Variants in XIRP2 observed in about 807,000 individuals in gnomAD.
XIRP2 encodes the protein xin actin binding repeat containing 2, also known as xin actin-binding repeat-containing protein 2.
Under a neutral mutation model 277.0 loss-of-function variants are expected in XIRP2, and 236 were observed. That is an observed-to-expected ratio of 0.85 (90% confidence interval 0.77 to 0.95). The LOEUF (loss-of-function observed/expected upper bound fraction) is 0.95. Among genes scored for constraint, XIRP2 ranks in the 40% least tolerant of loss-of-function variants. The probability of loss-of-function intolerance (pLI) is 0.00; values close to 1 mark genes in which losing one functional copy is unlikely to be tolerated. For missense variants in XIRP2, 4,640 were observed against 4,157.5 expected (o/e 1.12, Z -3.19); for synonymous variants, 1,490 against 1,416.5 (o/e 1.05, Z -1.17).
chr2:166,917,359 G>A (rs1684916447), intron 2 of XIRP2, among the ~76,000 whole-genome samples: 1 of 152,122 alleles, frequency 6.6e-6, no homozygotes, highest in Admixed American at 6.6e-5. Flanking sequence ...GCGAGGATGG[G>A]CCATAATGTT....
chr2:167,178,036 CA>C (rs1210624612), intron 3 of XIRP2, among the ~76,000 whole-genome samples: 5,236 of 111,308 alleles, frequency 0.047, 228 homozygotes, highest in African/African-American at 0.14. Context: ...TCAGTAAAAA[CA>C]AAAAAAAAAA....
intron 3 of XIRP2, among the ~76,000 whole-genome samples, chr2:167,182,223 C>G (rs1236827019): frequency 6.6e-6 from 1 of 152,166 alleles, no homozygotes; most frequent in Non-Finnish European, 1.5e-5. Context: ...AGGGTCAAAG[C>G]AGATTGCCAA....
chr2:167,208,456 C>T (rs945657179), intron 3 of XIRP2, among the ~76,000 whole-genome samples: 1 of 152,102 alleles, frequency 6.6e-6, no homozygotes, highest in Non-Finnish European at 1.5e-5. Context: ...TACAGGCGCC[C>T]GCCACCATGC....
chr2:166,933,993 T>A (rs1219095729), intron 2 of XIRP2, among the ~76,000 whole-genome samples: 1 of 151,784 alleles, frequency 6.6e-6, no homozygotes, highest in Non-Finnish European at 1.5e-5. Flanking sequence ...TGCAGGTTAG[T>A]TGAGGAAGAT....
intron 2 of XIRP2, among the ~76,000 whole-genome samples, chr2:167,109,788 C>T (rs975461697): frequency 1.3e-5 from 2 of 152,162 alleles, no homozygotes; most frequent in African/African-American, 2.4e-5. Context: ...TACAATCTCA[C>T]CAGCAGTGTG....
At chr2:166,902,589 C>T (rs532718545) in intron 1 of XIRP2, among the ~76,000 whole-genome samples, 3 of 151,800 alleles carry the variant, frequency 2.0e-5, no homozygotes, top group East Asian at 3.9e-4. Context: ...TTCTTGCTGC[C>T]CATGATTTGT....
chr2:167,012,916 A>T (rs892968561), intron 2 of XIRP2, among the ~76,000 whole-genome samples: 1 of 151,308 alleles, frequency 6.6e-6, no homozygotes, highest in African/African-American at 2.4e-5. Context: ...CCAGTTCATC[A>T]TTGGTTCTTT....
intron 2 of XIRP2, among the ~76,000 whole-genome samples, chr2:167,036,620 A>C (rs1688513675): frequency 6.6e-6 from 1 of 152,104 alleles, no homozygotes; most frequent in South Asian, 2.1e-4. Context: ...CTTTGGACTG[A>C]AGACTTTTGG....
chr2:167,074,553 T>C (rs930303587), intron 2 of XIRP2, among the ~76,000 whole-genome samples: 6 of 152,148 alleles, frequency 3.9e-5, no homozygotes, highest in Non-Finnish European at 8.8e-5. Context: ...AAAGTCAGCA[T>C]GGTTTAGGAG....
chr2:167,145,907 C>T (rs1328389109), intron 3 of XIRP2, among the ~76,000 whole-genome samples: 1 of 152,088 alleles, frequency 6.6e-6, no homozygotes, highest in African/African-American at 2.4e-5. Context: ...AATTTACAAA[C>T]ACACAGGAAA....
intron 3 of XIRP2, among the ~76,000 whole-genome samples, chr2:167,170,657 T>A (rs1239071481): frequency 2.0e-5 from 3 of 152,258 alleles, no homozygotes; most frequent in South Asian, 4.1e-4. Flanking sequence ...TGACGTTCAA[T>A]ATTTCAGTCC....
intron 1 of XIRP2, 101 bp from the exon 2 acceptor site, chr2:166,903,364 A>C: frequency 8.2e-7 from 1 of 1,223,302 alleles, no homozygotes. Context: ...TTCTTTACTA[A>C]GACCCAAACC....
rs190899743 is a variant in XIRP2 at position 166,969,169 on chromosome 2, A to G, written c.408+65279A>G. On this transcript the variant is annotated intron_variant, in intron 2 of 10. Transcript: ENST00000409195. ...CCAGGGAGTGAAAAAAATATTGAAT[A>G]TAAGTCTTGAACAGCATTCTGAAGA... 3.0e-3 allele frequency among the ~76,000 whole-genome samples: 451 copies of G among 152,104 alleles called. 5 individuals carry two copies. The highest frequency in any genetic ancestry group is 0.011 in the African/African-American group (440 of 41,534).
chr2:166,986,335 C>G (rs1160100226), intron 2 of XIRP2, among the ~76,000 whole-genome samples: 1 of 152,170 alleles, frequency 6.6e-6, no homozygotes, highest in African/African-American at 2.4e-5. Context: ...CTCTATGTAA[C>G]TGATGTAATG....
At chr2:167,108,853 A>G (rs1415930217) in intron 2 of XIRP2, among the ~76,000 whole-genome samples, 15 of 151,254 alleles carry the variant, frequency 9.9e-5, no homozygotes, top group Middle Eastern at 3.4e-3. Flanking sequence ...TGGTTTGAAT[A>G]AGTCTTAGGT....
chr2:166,930,968 C>T (rs1358524769), intron 2 of XIRP2, among the ~76,000 whole-genome samples: 1 of 152,092 alleles, frequency 6.6e-6, no homozygotes, highest in Non-Finnish European at 1.5e-5. Context: ...ATTCCAGAAT[C>T]CCAAGTGGGT....
chr2:166,974,943 T>C (rs1343494520), intron 2 of XIRP2, among the ~76,000 whole-genome samples: 1 of 152,016 alleles, frequency 6.6e-6, no homozygotes, highest in Admixed American at 6.6e-5. Context: ...ATTGAAAGGA[T>C]TCACTATGCA....
intron 7 of XIRP2, among the ~76,000 whole-genome samples, chr2:167,241,456 A>G (rs1465534112): frequency 1.3e-5 from 2 of 152,238 alleles, no homozygotes; most frequent in African/African-American, 4.8e-5. Context: ...TTGTCTTACT[A>G]TAGTTCTTCC....
chr2:167,209,093 C>T (rs1187868788), intron 3 of XIRP2, among the ~76,000 whole-genome samples: 7 of 152,150 alleles, frequency 4.6e-5, no homozygotes, highest in African/African-American at 1.7e-4. Context: ...TCAAAGATAG[C>T]TGGCATTTGT....
Sources: gnomAD v4.1 joint callset for allele counts (sites outside exome capture counted in the v4.1 genomes callset) on GRCh38, gnomAD v4.1.1 for gene constraint, MANE v1.5 for transcripts, NCBI Gene and HGNC (gene_info 2026-07-23, HGNC 2026-07-21) for gene names.